The following ZFP90 variants were observed in gnomAD, a reference collection of about 807,000 sequenced individuals.
The protein encoded by ZFP90 is ZFP90 zinc finger protein.
In ZFP90, 38 loss-of-function variants were observed where a neutral mutation model predicts 60.8. The observed-to-expected ratio is 0.62, with a 90% CI of 0.48 to 0.82. The LOEUF (loss-of-function observed/expected upper bound fraction) is 0.82. ZFP90 is among the 40% of genes least tolerant of loss of function. The pLI, the probability that ZFP90 is intolerant of heterozygous loss-of-function variation, is 0.00. For missense variants in ZFP90, 711 were observed against 759.1 expected (o/e 0.94, Z 0.74); for synonymous variants, 287 against 264.8 (o/e 1.08, Z -0.82).
chr16:68,554,568 A>G (rs1469596558), intron 2 of ZFP90, among the ~76,000 whole-genome samples: 1 of 152,214 alleles, frequency 6.6e-6, no homozygotes, highest in Non-Finnish European at 1.5e-5. Flanking sequence ...CTGTCAAGGC[A>G]AGAAGTTATG....
At position 68,574,490 on chromosome 16, in the gene ZFP90, G is replaced by GAA. The variant is rs3833989; in HGVS notation, c.224-1290_224-1289dup. Among the ~76,000 whole-genome samples the GAA allele has an allele frequency of 2.1e-3, 316 of 148,164 alleles. 1 individual carries two copies. The highest frequency in any genetic ancestry group is 2.8e-3 in the Non-Finnish European group (188 of 67,126). On this transcript the variant is annotated intron_variant, in intron 2 of 2. Transcript: ENST00000573113. The stretch of plus-strand genomic sequence containing the variant: ...CAGAAAATAAGCTGGCAAACATGTT[G>GAA]AAAAAAAAAAAATTATTCCCAAAAG...
At position 68,565,405 on chromosome 16, in the gene ZFP90, CT is replaced by C. The variant is rs1445669452; in HGVS notation, c.*710del. 1.0e-6 allele frequency: 1 copy of C among 985,460 alleles called. No homozygotes were observed. The highest frequency in any genetic ancestry group is 1.2e-6 in the Non-Finnish European group (1 of 829,938). 61.0% of individuals were successfully genotyped at this position (985,460 alleles called of 1,614,324 possible). On this transcript the variant is annotated 3_prime_UTR_variant, in exon 5 of 5. Transcript: ENST00000563169. The stretch of plus-strand genomic sequence containing the variant: ...TTAATGGGCACCTATGGGTTGGACA[CT>C]TTGAGAATTCTTAAAAGTATAAGTG...
intron 2 of ZFP90, among the ~76,000 whole-genome samples, chr16:68,572,762 G>C (rs2091574747): frequency 6.6e-6 from 1 of 152,232 alleles, no homozygotes; most frequent in Non-Finnish European, 1.5e-5. Context: ...GTCACCTGGA[G>C]TTCTTGGGAG....
chr16:68,548,474 CTTTTTTTTTTT>C (rs551779570), intron 2 of ZFP90, among the ~76,000 whole-genome samples: 22 of 81,044 alleles, frequency 2.7e-4, no homozygotes, highest in African/African-American at 7.4e-4. Context: ...GTTTATCCTC[CTTTTTTTTTTT>C]TTTTTTTTTT....
chr16:68,562,298 T>C (rs1266683388), intron 4 of ZFP90: 1 of 152,258 alleles, frequency 6.6e-6, no homozygotes, highest in Non-Finnish European at 1.5e-5. Context: ...TCTCTGCCCT[T>C]AGTTTTTAAA....
At chr16:68,541,276 G>A (rs2091044717) in intron 2 of ZFP90, among the ~76,000 whole-genome samples, 1 of 151,924 alleles carries the variant, frequency 6.6e-6, no homozygotes, top group Non-Finnish European at 1.5e-5. Flanking sequence ...GACGTCAATT[G>A]ATCCGCCCAC....
downstream of ZFP90, among the ~76,000 whole-genome samples, chr16:68,571,382 A>G (rs200610616): frequency 1.2e-3 from 187 of 152,346 alleles, no homozygotes; most frequent in Non-Finnish European, 2.1e-3. Context: ...AGTAAATAAT[A>G]AAATTTAAAA....
intron 2 of ZFP90, 127 bp downstream of exon 2, chr16:68,539,952 T>TCCG: frequency 7.5e-7 from 1 of 1,338,438 alleles, no homozygotes; most frequent in South Asian, 1.4e-5. Context: ...GATCGGAGCC[T>TCCG]CCTGGCCATG....
chr16:68,536,821 A>G (rs2090964053), upstream of ZFP90, among the ~76,000 whole-genome samples: 1 of 152,184 alleles, frequency 6.6e-6, no homozygotes. Context: ...GACAGTAGGA[A>G]AAATTCCTCT....
upstream of ZFP90, among the ~76,000 whole-genome samples, chr16:68,537,761 T>G (rs1420125917): frequency 2.6e-5 from 4 of 152,038 alleles, no homozygotes; most frequent in Non-Finnish European, 4.4e-5. Flanking sequence ...AGACAGGGTT[T>G]TGCCATGTTG....
chr16:68,536,892 C>T (rs1022451107), upstream of ZFP90, among the ~76,000 whole-genome samples: 2 of 152,164 alleles, frequency 1.3e-5, no homozygotes, highest in African/African-American at 4.8e-5. Flanking sequence ...TCTCATCACA[C>T]TCAAAATCCA....
intron 2 of ZFP90, among the ~76,000 whole-genome samples, chr16:68,547,764 A>C (rs993229437): frequency 1.3e-5 from 2 of 151,858 alleles, no homozygotes; most frequent in African/African-American, 4.8e-5. Context: ...AATTTTTACT[A>C]TTATACATAA....
intron 2 of ZFP90, among the ~76,000 whole-genome samples, chr16:68,549,858 T>A (rs1038508126): frequency 6.6e-6 from 1 of 151,928 alleles, no homozygotes; most frequent in Non-Finnish European, 1.5e-5. Flanking sequence ...ATTTTTCCTG[T>A]GGAACTGAGG....
chr16:68,562,846 A>AC (rs768947164), intron 4 of ZFP90, 198 bp from the exon 5 acceptor site: 7 of 1,260,974 alleles, frequency 5.6e-6, no homozygotes, highest in Non-Finnish European at 7.6e-6. Flanking sequence ...CTCTGGACTT[A>AC]CCACATACTC....
chr16:68,566,362 T>C lies in ZFP90; in HGVS notation c.*1664T>C, dbSNP rs1309746673. 1.0e-6 allele frequency: 1 copy of C among 985,388 alleles called. No homozygotes were observed. Among genetic ancestry groups the C allele is most frequent in the East Asian group, 1.1e-4 (1 of 8,964 alleles). The allele number at this position is 985,388 out of a possible 1,614,324, so 61.0% of individuals were successfully genotyped here. The stretch of plus-strand genomic sequence containing the variant: ...ATAGATAAATTTTCCCAGCCCTAAA[T>C]ATGAATCATGGGGCAAGATATTGGT... On this transcript the variant is annotated 3_prime_UTR_variant, in exon 5 of 5. Coordinates refer to ENST00000563169, the MANE Select transcript of ZFP90 (RefSeq NM_001305203.2).
At position 68,565,607 on chromosome 16, in the gene ZFP90, C is replaced by T. The variant is rs963372689; in HGVS notation, c.*909C>T. ...TGCCAGTTTCACAGAACTATTAAGT[C>T]CCCTTATTGTACTTTTTATGGCATG... On this transcript the variant is annotated 3_prime_UTR_variant, in exon 5 of 5. Transcript: ENST00000563169. 46 of 985,398 alleles carry T rather than the reference C, an allele frequency of 4.7e-5. No individual in the cohort carries two copies. Among genetic ancestry groups the T allele is most frequent in the Non-Finnish European group, 5.2e-5 (43 of 829,920 alleles). 61.0% of individuals were successfully genotyped at this position (985,398 alleles called of 1,614,324 possible). A position where few individuals can be genotyped will look rare whatever the true frequency, so the allele number is the denominator to read the frequency against.
chr16:68,546,047 C>T (rs746603378), intron 2 of ZFP90, among the ~76,000 whole-genome samples: 7 of 151,646 alleles, frequency 4.6e-5, no homozygotes, highest in Admixed American at 1.3e-4. Context: ...TGGAGGCACA[C>T]GCCTGTAATC....
Position 68,539,743 on chromosome 16 carries a change from G to A in ZFP90, c.-35-15G>A, listed in dbSNP as rs1327344947. On this transcript the variant is annotated splice_polypyrimidine_tract_variant and intron_variant, in intron 1 of 4. Transcript: ENST00000563169. ...TGTTGCAGCGGGGTGAGTGGGCCCT[G>A]TCCTTTCTCCCCAGCTCCTGCCCCG... The A allele has an allele frequency of 2.6e-6, 4 of 1,541,318 alleles. No homozygotes were observed. Among genetic ancestry groups the A allele is most frequent in the Non-Finnish European group, 3.5e-6 (4 of 1,142,750 alleles).
chr16:68,562,260 A>G (rs1375213259), intron 4 of ZFP90: 1 of 152,284 alleles, frequency 6.6e-6, no homozygotes, highest in African/African-American at 2.4e-5. Flanking sequence ...TCCTATTGAC[A>G]TAGAACATTT....
Sources: gnomAD v4.1 joint callset for allele counts (sites outside exome capture counted in the v4.1 genomes callset) on GRCh38, gnomAD v4.1.1 for gene constraint, MANE v1.5 for transcripts, NCBI Gene and HGNC (gene_info 2026-07-23, HGNC 2026-07-21) for gene names.